Variants in EFR3B observed in about 807,000 individuals in gnomAD.
The protein encoded by EFR3B is protein EFR3 homolog B.
EFR3B carries 64 observed loss-of-function variants against 104.7 expected under a neutral mutation model. The ratio of observed to expected loss-of-function variants is 0.61; its 90% CI spans 0.50 to 0.75. The LOEUF (loss-of-function observed/expected upper bound fraction) is 0.75. Among genes scored for constraint, EFR3B ranks in the 30% least tolerant of loss-of-function variants. EFR3B has a pLI of 0.00. For synonymous variants in EFR3B, 385 were observed against 417.9 expected (o/e 0.92, Z 0.96); for missense variants, 750 against 1,078.5 (o/e 0.70, Z 4.27).
chr2:25,150,231 C>T (rs567745831), intron 20 of EFR3B, among the ~76,000 whole-genome samples: 7 of 144,718 alleles, frequency 4.8e-5, no homozygotes, highest in Non-Finnish European at 1.0e-4. Flanking sequence ...ACCTAGGAGG[C>T]GGAGGTTGCA....
chr2:25,133,108 G>T, intron 11 of EFR3B, 94 bp downstream of exon 11: 2 of 1,200,666 alleles, frequency 1.7e-6, no homozygotes, highest in South Asian at 1.4e-5. Context: ...TCTTGGCTCT[G>T]CCCTCTGCTC....
rs186870390 is a variant in EFR3B at position 25,115,381 on chromosome 2, C to T, written c.364-6292C>T. Among the ~76,000 whole-genome samples the T allele has an allele frequency of 3.9e-5, 6 of 152,282 alleles. No homozygotes were observed. In the East Asian group the frequency reaches 9.6e-4, roughly 24 times the overall value. On this transcript the variant is annotated intron_variant, in intron 4 of 22. Transcript: ENST00000403714. The stretch of plus-strand genomic sequence containing the variant: ...GAATTCCCAAGCCTGAGGCTCAGCT[C>T]CACCTGTCGCAAGCGGGTTGAGCTG...
chr2:25,087,834 G>A lies in EFR3B; in HGVS notation c.8-3491G>A, dbSNP rs116398755. Among the ~76,000 whole-genome samples, 823 of 149,864 alleles carry A rather than the reference G, an allele frequency of 5.5e-3. 4 individuals are homozygous for A. The highest frequency in any genetic ancestry group is 0.013 in the South Asian group (65 of 4,816). On this transcript the variant is annotated intron_variant, in intron 1 of 22. Transcript: ENST00000403714. ...TTATCAGTTCTTTCTGTCGTGGATT[G>A]TGCCCTTGGTTTTTTATCTAAGAAG...
chr2:25,155,754 T>A lies in EFR3B; in HGVS notation c.*1414T>A, dbSNP rs1671148581. 1 of 152,218 alleles carries A rather than the reference T, an allele frequency of 6.6e-6. No homozygotes were observed. Among genetic ancestry groups the A allele is most frequent in the African/African-American group, 2.4e-5 (1 of 41,460 alleles). The allele number at this position is 152,218 out of a possible 1,614,324, so 9.4% of individuals were successfully genotyped here. On this transcript the variant is annotated 3_prime_UTR_variant, in exon 23 of 23. Transcript: ENST00000403714. ...TTCCCATAACTCCTCCGAGCCAACA[T>A]AACCTACAGTAAGATGTGAGTGTCA...
In EFR3B at chr2:25,158,900, G is replaced by A. The variant is rs1393988217; in HGVS notation, c.*4560G>A. On this transcript the variant is annotated 3_prime_UTR_variant, in exon 23 of 23. Coordinates refer to ENST00000403714, the MANE Select transcript of EFR3B (RefSeq NM_014971.2). Reference sequence around the variant, plus strand: ...TAGTATAGTTTGTAGTTGACAATATGTGTATATAATAGCTGGTGTATTTAT... The same window carrying A: ...TAGTATAGTTTGTAGTTGACAATATATGTATATAATAGCTGGTGTATTTAT... 6.6e-6 allele frequency: 1 copy of A among 152,232 alleles called. No homozygotes were observed. Among genetic ancestry groups the A allele is most frequent in the Non-Finnish European group, 1.5e-5 (1 of 68,052 alleles). The allele number at this position is 152,232 out of a possible 1,614,324, so 9.4% of individuals were successfully genotyped here.
intron 4 of EFR3B, among the ~76,000 whole-genome samples, chr2:25,120,519 C>T (rs1669983558): frequency 6.6e-6 from 1 of 152,092 alleles, no homozygotes; most frequent in Non-Finnish European, 1.5e-5. Context: ...TGGCACGCAT[C>T]TGTAGTCCCA....
chr2:25,076,654 A>G (rs927775734), intron 1 of EFR3B, among the ~76,000 whole-genome samples: 3 of 152,194 alleles, frequency 2.0e-5, no homozygotes, highest in African/African-American at 7.2e-5. Context: ...GTTCATTTTC[A>G]TCTATTCTTT....
chr2:25,128,246 G>T lies in EFR3B; in HGVS notation c.549G>T (p.Leu183=), dbSNP rs774320060. Residue 183 remains leucine (L), a synonymous_variant, in exon 6 of 23, where the codon CTG becomes CTT. Coordinates refer to ENST00000403714, the MANE Select transcript of EFR3B (RefSeq NM_014971.2). Reference sequence around the variant, plus strand: ...TGAGGAAGACGGTGAATGATGAACTGCAGGCCAATATCTGGGACCCACAGC... The same window carrying T: ...TGAGGAAGACGGTGAATGATGAACTTCAGGCCAATATCTGGGACCCACAGC... ...GVVRKTVNDE[L]QANIWDPQHM... is the part of the protein sequence containing the mutation. 1.0e-5 allele frequency: 16 copies of T among 1,551,642 alleles called. No homozygotes were observed. The highest frequency in any genetic ancestry group is 1.3e-5 in the Non-Finnish European group (15 of 1,147,014).
At chr2:25,132,508 ATTC>A (rs1670373815) in intron 10 of EFR3B, among the ~76,000 whole-genome samples, 2 of 151,982 alleles carry the variant, frequency 1.3e-5, no homozygotes, top group East Asian at 1.9e-4. Flanking sequence ...ATGCAGAACC[ATTC>A]TTCTCTCTTA....
intron 1 of EFR3B, among the ~76,000 whole-genome samples, chr2:25,087,462 G>A (rs59844048): frequency 0.14 from 21,541 of 150,034 alleles, 1,981 homozygotes; most frequent in Middle Eastern, 0.26. Flanking sequence ...TTCTTTTGAC[G>A]GCGCCTTTTG....
At chr2:25,049,493 AG>A (rs1370997529) in intron 1 of EFR3B, among the ~76,000 whole-genome samples, 1 of 152,268 alleles carries the variant, frequency 6.6e-6, no homozygotes, top group Non-Finnish European at 1.5e-5. Flanking sequence ...TGGGCAAACA[AG>A]TTATAAAACA....
intron 1 of EFR3B, among the ~76,000 whole-genome samples, chr2:25,054,031 C>A (rs1472463264): frequency 6.6e-6 from 1 of 152,216 alleles, no homozygotes; most frequent in Non-Finnish European, 1.5e-5. Flanking sequence ...AGGCCCAGTC[C>A]TGCGCAGATC....
intron 4 of EFR3B, among the ~76,000 whole-genome samples, chr2:25,111,423 T>G (rs1426813099): frequency 6.6e-6 from 1 of 152,106 alleles, no homozygotes; most frequent in Admixed American, 6.5e-5. Context: ...CTCCCTGGGA[T>G]CCCACCCTTG....
At chr2:25,046,464 A>G (rs1667718875) in intron 1 of EFR3B, among the ~76,000 whole-genome samples, 1 of 151,676 alleles carries the variant, frequency 6.6e-6, no homozygotes. Flanking sequence ...AAAAGGTTGG[A>G]GAAACTGCAG....
chr2:25,074,743 G>A (rs1160471470), intron 1 of EFR3B, among the ~76,000 whole-genome samples: 1 of 150,700 alleles, frequency 6.6e-6, no homozygotes, highest in Non-Finnish European at 1.5e-5. Context: ...TCAGCCTCCT[G>A]AGTAGCTGGG....
At position 25,042,082 on chromosome 2, in the gene EFR3B, G is replaced by C. The variant is rs962728027; in HGVS notation, c.-231G>C. 9.8e-6 allele frequency: 3 copies of C among 305,862 alleles called. No individual in the cohort carries two copies. Among genetic ancestry groups the C allele is most frequent in the Non-Finnish European group, 1.8e-5 (3 of 169,012 alleles). 18.9% of individuals were successfully genotyped at this position (305,862 alleles called of 1,614,324 possible). A position where few individuals can be genotyped will look rare whatever the true frequency, so the allele number is the denominator to read the frequency against. ...GCCCCCGCCCCCTGCGCGCAGCAGT[G>C]CCCAGCAACCCGAGCGGAGGCGGCC... On this transcript the variant is annotated 5_prime_UTR_variant, in exon 1 of 23. Coordinates refer to ENST00000403714, the MANE Select transcript of EFR3B (RefSeq NM_014971.2). This position sits in a 1 kb window ranked among gnomAD's most constrained non-coding sequence, Gnocchi z 5.4.
At chr2:25,102,743 G>A (rs1669459520) in intron 3 of EFR3B, among the ~76,000 whole-genome samples, 1 of 152,084 alleles carries the variant, frequency 6.6e-6, no homozygotes, top group Admixed American at 6.6e-5. Flanking sequence ...ATTGGATGTT[G>A]TGTATTCCTA....
chr2:25,150,300 CAAA>C (rs533611175), intron 20 of EFR3B, among the ~76,000 whole-genome samples: 11 of 62,770 alleles, frequency 1.8e-4, no homozygotes, highest in Admixed American at 1.5e-3. Context: ...ACTCCCATCT[CAAA>C]AAAAAAAAAA....
At chr2:25,110,719 A>G (rs531820390) in intron 4 of EFR3B, among the ~76,000 whole-genome samples, 3 of 152,388 alleles carry the variant, frequency 2.0e-5, no homozygotes, top group East Asian at 3.9e-4. Flanking sequence ...GTTCTCCTGC[A>G]TAACTACGAA....
Sources: allele counts gnomAD v4.1 joint callset (sites outside exome capture counted in the v4.1 genomes callset), GRCh38; gene constraint gnomAD v4.1.1; non-coding constraint Gnocchi (gnomAD v3.1); transcripts MANE v1.5; gene names NCBI Gene and HGNC (gene_info 2026-07-23, HGNC 2026-07-21).